The following AP2B1 variants were observed in gnomAD, a reference collection of about 807,000 sequenced individuals.
AP2B1 encodes adaptor related protein complex 2 subunit beta 1, also known as AP-2 complex subunit beta.
A neutral mutation model predicts 102.0 loss-of-function variants in AP2B1; 23 were observed. The ratio of observed to expected loss-of-function variants is 0.23; its 90% CI spans 0.16 to 0.32. The LOEUF (loss-of-function observed/expected upper bound fraction) is 0.32. Among genes scored for constraint, AP2B1 ranks in the 10% least tolerant of loss-of-function variants. The pLI is 1.00. For synonymous variants in AP2B1, 381 were observed against 421.2 expected, an observed-to-expected ratio of 0.90 and a Z score of 1.17; for missense variants, 541 against 1,157.4, an observed-to-expected ratio of 0.47 and a Z score of 7.73.
intron 18 of AP2B1, among the ~76,000 whole-genome samples, chr17:35,697,783 G>T (rs6505490): frequency 1.3e-5 from 2 of 151,678 alleles, no homozygotes; most frequent in African/African-American, 4.8e-5. Flanking sequence ...CCAACATGGC[G>T]AAACCCCATC....
At chr17:35,594,860 T>G (rs1178109668) in intron 2 of AP2B1, among the ~76,000 whole-genome samples, 1 of 152,256 alleles carries the variant, frequency 6.6e-6, no homozygotes, top group African/African-American at 2.4e-5. Context: ...ACCCTTCATC[T>G]TTTGTAAAAT....
Position 35,643,238 on chromosome 17 carries a change from T to C in AP2B1, c.1536+1263T>C, listed in dbSNP as rs560100219. Among the ~76,000 whole-genome samples, 3 of 152,204 alleles carry C rather than the reference T, an allele frequency of 2.0e-5. No individual in the cohort carries two copies. The East Asian group carries it at 5.8e-4, about 29-fold the overall frequency. ...TTTTAAGAAGGTTTACGAATTTGTATTGGGTCACATGTGGCCTCAGGTTGG... is the reference window on the plus strand; with the variant it reads ...TTTTAAGAAGGTTTACGAATTTGTACTGGGTCACATGTGGCCTCAGGTTGG... On this transcript the variant is annotated intron_variant, in intron 12 of 21. Coordinates refer to ENST00000610402, the MANE Select transcript of AP2B1 (RefSeq NM_001030006.2).
intron 3 of AP2B1, among the ~76,000 whole-genome samples, chr17:35,605,160 C>T (rs1428746208): frequency 1.3e-5 from 2 of 152,152 alleles, no homozygotes; most frequent in East Asian, 1.9e-4. Flanking sequence ...ACACCCCAGC[C>T]TCCCAAAGTT....
chr17:35,707,560 C>T (rs2042472546), intron 18 of AP2B1, among the ~76,000 whole-genome samples: 1 of 150,824 alleles, frequency 6.6e-6, no homozygotes, highest in Non-Finnish European at 1.5e-5. Context: ...TCAAGCTATT[C>T]TCCCACCTCA....
chr17:35,625,390 C>A (rs2074286931), intron 6 of AP2B1, among the ~76,000 whole-genome samples: 1 of 152,130 alleles, frequency 6.6e-6, no homozygotes. Flanking sequence ...CTGGACTGAA[C>A]TAAAGCTCAC....
chr17:35,651,785 C>T lies in AP2B1; in HGVS notation c.1796+996C>T, dbSNP rs1380322971. On this transcript the variant is annotated intron_variant, in intron 13 of 21. Transcript: ENST00000610402. ...TTGAGTTGAATCTTTGGGTTTACAG[C>T]AGGTGCTATAATTTTAATCCAGAGG... Among the ~76,000 whole-genome samples the T allele has an allele frequency of 8.6e-5, 13 of 151,986 alleles. No homozygotes were observed. The South Asian group carries it at 2.7e-3, about 32-fold the overall frequency.
intron 5 of AP2B1, among the ~76,000 whole-genome samples, chr17:35,619,020 C>T (rs1213897263): frequency 2.0e-5 from 3 of 152,188 alleles, no homozygotes; most frequent in South Asian, 2.1e-4. Flanking sequence ...TCTTTCCCTT[C>T]CCTTGGTTGA....
intron 14 of AP2B1, among the ~76,000 whole-genome samples, chr17:35,661,972 A>C (rs2075367371): frequency 6.6e-6 from 1 of 152,308 alleles, no homozygotes; most frequent in Middle Eastern, 3.4e-3. Context: ...GGAAATACTT[A>C]TCAATTTATT....
At chr17:35,680,531 G>A (rs1268524378) in intron 17 of AP2B1, among the ~76,000 whole-genome samples, 1 of 151,754 alleles carries the variant, frequency 6.6e-6, no homozygotes, top group Non-Finnish European at 1.5e-5. Flanking sequence ...CACCACACTG[G>A]CCAATATTTG....
chr17:35,710,386 T>C, intron 20 of AP2B1, 66 bp downstream of exon 20: 1 of 1,175,478 alleles, frequency 8.5e-7, no homozygotes, highest in Non-Finnish European at 1.2e-6. Context: ...GAAATTTTAA[T>C]CTTTCTTTTG....
At chr17:35,634,541 G>GT (rs2074552941) in intron 9 of AP2B1, among the ~76,000 whole-genome samples, 1 of 152,056 alleles carries the variant, frequency 6.6e-6, no homozygotes, top group Non-Finnish European at 1.5e-5. Context: ...CTGTACATTT[G>GT]TTTTTTCACC....
intron 20 of AP2B1, among the ~76,000 whole-genome samples, chr17:35,715,299 AAGAG>A (rs1194771983): frequency 6.6e-6 from 1 of 152,134 alleles, no homozygotes; most frequent in East Asian, 1.9e-4. Context: ...GAGTGAGAAT[AAGAG>A]AGAGAGAGAC....
chr17:35,701,768 A>G (rs2076243752), intron 18 of AP2B1, among the ~76,000 whole-genome samples: 1 of 152,100 alleles, frequency 6.6e-6, no homozygotes, highest in Non-Finnish European at 1.5e-5. Context: ...GGCTCATGCC[A>G]CTGCAGTCAG....
chr17:35,671,277 A>G (rs937318370), intron 15 of AP2B1, among the ~76,000 whole-genome samples: 4 of 152,184 alleles, frequency 2.6e-5, no homozygotes, highest in Non-Finnish European at 1.5e-5. Flanking sequence ...AGTTAGTTTC[A>G]GGGGTGTGAA....
chr17:35,686,872 A>AGGAGAATGGCG (rs1161122899), intron 18 of AP2B1, among the ~76,000 whole-genome samples: 15 of 152,096 alleles, frequency 9.9e-5, no homozygotes, highest in Non-Finnish European at 2.1e-4. Flanking sequence ...AGGCTGAGGC[A>AGGAGAATGGCG]GGAGAATGGC....
chr17:35,679,388 T>A (rs1381696475), intron 17 of AP2B1, among the ~76,000 whole-genome samples: 1 of 150,866 alleles, frequency 6.6e-6, no homozygotes, highest in African/African-American at 2.4e-5. Flanking sequence ...AGGGACTTGC[T>A]ACCTTTTTTT....
chr17:35,602,385 T>C (rs1280809543), intron 3 of AP2B1, among the ~76,000 whole-genome samples: 1 of 152,184 alleles, frequency 6.6e-6, no homozygotes, highest in Non-Finnish European at 1.5e-5. Context: ...AGAAAGATAG[T>C]GCAAAGAAAT....
chr17:35,604,574 A>G (rs1048391535), intron 3 of AP2B1, among the ~76,000 whole-genome samples: 1 of 107,286 alleles, frequency 9.3e-6, no homozygotes, highest in South Asian at 2.9e-4. Flanking sequence ...CCTGGCTAAC[A>G]TGGTGAAACC....
At chr17:35,656,727 C>CA (rs200745433) in intron 13 of AP2B1, among the ~76,000 whole-genome samples, 14 of 151,710 alleles carry the variant, frequency 9.2e-5, no homozygotes, top group Admixed American at 3.3e-4. Context: ...ACTAAAAATA[C>CA]AAAAAAAATT....
Sources: allele counts gnomAD v4.1 joint callset (sites outside exome capture counted in the v4.1 genomes callset), GRCh38; gene constraint gnomAD v4.1.1; transcripts MANE v1.5; gene names NCBI Gene and HGNC (gene_info 2026-07-23, HGNC 2026-07-21).